The following GRK7 variants were observed in gnomAD, a reference collection of about 807,000 sequenced individuals.
GRK7 encodes G protein-coupled receptor kinase 7, also known as rhodopsin kinase GRK7.
Under a neutral mutation model 34.1 loss-of-function variants are expected in GRK7, and 24 were observed. The observed-to-expected ratio is 0.70, with a 90% CI of 0.51 to 0.99. The LOEUF is 0.99. Among genes scored for constraint, GRK7 ranks in the 50% least tolerant of loss-of-function variants. GRK7 has a pLI of 0.00. For synonymous variants in GRK7, 256 were observed against 279.4 expected, an observed-to-expected ratio of 0.92 and a Z score of 0.84; for missense variants, 644 against 707.3, an observed-to-expected ratio of 0.91 and a Z score of 1.02.
At chr3:141,774,158 CA>C (rs2084628524) in intron 1 of GRK7, among the ~76,000 whole-genome samples, 1 of 152,168 alleles carries the variant, frequency 6.6e-6, no homozygotes, top group Non-Finnish European at 1.5e-5. Flanking sequence ...TCCAGCCGGG[CA>C]TGGTAGCTCA....
At chr3:141,773,575 T>G (rs2084626163) in intron 1 of GRK7, among the ~76,000 whole-genome samples, 2 of 152,096 alleles carry the variant, frequency 1.3e-5, no homozygotes, top group Non-Finnish European at 2.9e-5. Context: ...GCAGTGGCAC[T>G]ATCTCGGCTC....
intron 4 of GRK7, among the ~76,000 whole-genome samples, chr3:141,799,975 T>G (rs1378526783): frequency 6.6e-6 from 1 of 152,200 alleles, no homozygotes; most frequent in Non-Finnish European, 1.5e-5. Context: ...TGAAATGTGC[T>G]CATTGGACGG....
chr3:141,785,494 G>T (rs866502393), intron 4 of GRK7, among the ~76,000 whole-genome samples: 6 of 152,196 alleles, frequency 3.9e-5, no homozygotes, highest in Non-Finnish European at 2.9e-5. Flanking sequence ...GCTGGCCGTG[G>T]TGGCTCACAC....
At chr3:141,769,084 C>T (rs975660194) in intron 1 of GRK7, among the ~76,000 whole-genome samples, 1 of 152,154 alleles carries the variant, frequency 6.6e-6, no homozygotes, top group Non-Finnish European at 1.5e-5. Context: ...TCCCTCCAGA[C>T]CTCTCCTCTG....
At chr3:141,801,310 C>CAAAAAAAAA (rs55657739) in intron 4 of GRK7, among the ~76,000 whole-genome samples, 5 of 70,010 alleles carry the variant, frequency 7.1e-5, no homozygotes, top group Non-Finnish European at 1.3e-4. Context: ...GACTCCGTCT[C>CAAAAAAAAA]AAAAAAAAAA....
intron 4 of GRK7, among the ~76,000 whole-genome samples, 190 bp downstream of exon 4, chr3:141,781,001 G>T (rs1311065080): frequency 1.3e-5 from 2 of 152,180 alleles, no homozygotes; most frequent in Non-Finnish European, 2.9e-5. Flanking sequence ...CTATTTGAGG[G>T]CTACTTTGCT....
chr3:141,784,659 C>T (rs964539567), intron 4 of GRK7, among the ~76,000 whole-genome samples: 6 of 152,304 alleles, frequency 3.9e-5, no homozygotes, highest in Admixed American at 2.0e-4. Context: ...ATCATAGTTA[C>T]AGGGCTTCTG....
chr3:141,815,674 A>G (rs1192746157), intron 5 of GRK7, among the ~76,000 whole-genome samples: 1 of 150,722 alleles, frequency 6.6e-6, no homozygotes, highest in Non-Finnish European at 1.5e-5. Context: ...AGGTTATTAA[A>G]AAAAACTATG....
At chr3:141,762,967 G>A (rs1185247826), upstream of GRK7, among the ~76,000 whole-genome samples, 1 of 152,218 alleles carries the variant, frequency 6.6e-6, no homozygotes, top group Admixed American at 6.5e-5. Context: ...GTGAGGCAAT[G>A]CCTCGCCCTG....
chr3:141,775,272 T>A lies in GRK7; in HGVS notation c.-114+592T>A, dbSNP rs532995024. Among the ~76,000 whole-genome samples the A allele has an allele frequency of 2.0e-5, 3 of 152,112 alleles. No individual in the cohort carries two copies. In the East Asian group the frequency reaches 5.8e-4, roughly 30 times the overall value. On this transcript the variant is annotated intron_variant, in intron 2 of 5. Coordinates refer to ENST00000682958, the MANE Select transcript of GRK7 (RefSeq NM_139209.3). ...AAGATTAGCTGGGCCTGGTGGCAGG[T>A]GCCTGTAGTCTCAGCTACTTGGGAG...
rs1361138842 is a variant in GRK7, at chr3:141,765,622, G to C, written c.-331G>C. On this transcript the variant is annotated 5_prime_UTR_variant, in exon 1 of 6. An upstream start codon of the reference 5' UTR is lost. Coordinates refer to ENST00000682958, the MANE Select transcript of GRK7 (RefSeq NM_139209.3). ...TGGAAAACTGCTCTGAGGCCATCAT[G>C]CTTTGAGGAAGCCCAGGAGGAAACA... is the stretch of plus-strand genomic sequence containing the variant. Among the ~76,000 whole-genome samples, 4 of 152,046 alleles carry C rather than the reference G, an allele frequency of 2.6e-5. No individual in the cohort carries two copies. The highest frequency in any genetic ancestry group is 4.4e-5 in the Non-Finnish European group (3 of 68,014).
intron 4 of GRK7, among the ~76,000 whole-genome samples, chr3:141,803,840 G>A (rs1355679864): frequency 6.6e-6 from 1 of 152,054 alleles, no homozygotes; most frequent in African/African-American, 2.4e-5. Context: ...TCCTGTCTCA[G>A]CCTCCCAAGT....
the GRK7 span, among the ~76,000 whole-genome samples, chr3:141,756,089 A>G: frequency 9.1e-4 from 138 of 152,130 alleles, no homozygotes; most frequent in African/African-American, 3.1e-3. Flanking sequence ...AGGTGAGCAG[A>G]TCACTTGAGG....
At chr3:141,756,518 G>A in the GRK7 span, among the ~76,000 whole-genome samples, 1 of 152,162 alleles carries the variant, frequency 6.6e-6, no homozygotes, top group Non-Finnish European at 1.5e-5. Flanking sequence ...GAGGGGTATT[G>A]ACTGGAAAAG....
intron 4 of GRK7, among the ~76,000 whole-genome samples, chr3:141,801,640 TA>T (rs957243189): frequency 1.1e-4 from 17 of 152,210 alleles, no homozygotes; most frequent in Non-Finnish European, 2.4e-4. Flanking sequence ...ATTAAATAAT[TA>T]TTCTTATTTT....
intron 4 of GRK7, among the ~76,000 whole-genome samples, chr3:141,796,052 T>C (rs557026698): frequency 1.3e-5 from 2 of 152,296 alleles, no homozygotes; most frequent in Non-Finnish European, 2.9e-5. Flanking sequence ...ATTTAGATCA[T>C]GCGCAGCTGA....
Position 141,816,747 on chromosome 3 carries a change from C to A in GRK7, c.1359C>A (p.Phe453Leu). Residue 453 changes from phenylalanine to leucine, a missense_variant, in exon 6 of 6, where the codon TTC becomes TTA. By Grantham distance (22) the Phe-to-Leu change is conservative (BLOSUM62 0). Transcript: ENST00000682958. ...EKSDDPRKHH[F>L]FKTINFPRLE... ...CTGATGATCCCAGGAAACATCATTT[C>A]TTTAAAACGATCAACTTTCCTCGCC... The A allele has an allele frequency of 6.4e-7, 1 of 1,550,886 alleles. No individual in the cohort carries two copies. Among genetic ancestry groups the A allele is most frequent in the African/African-American group, 1.4e-5 (1 of 72,996 alleles).
At chr3:141,762,947 C>T (rs982371502), upstream of GRK7, among the ~76,000 whole-genome samples, 20 of 152,346 alleles carry the variant, frequency 1.3e-4, no homozygotes, top group South Asian at 1.2e-3. Flanking sequence ...TGACCCCTTG[C>T]GCTTCCCAGG....
the GRK7 span, among the ~76,000 whole-genome samples, chr3:141,757,190 G>T: frequency 7.6e-6 from 1 of 130,856 alleles, no homozygotes; most frequent in Non-Finnish European, 1.6e-5. Flanking sequence ...GGGTACATGT[G>T]CACATTGCGC....
Sources: allele counts gnomAD v4.1 joint callset (sites outside exome capture counted in the v4.1 genomes callset), GRCh38; gene constraint gnomAD v4.1.1; transcripts MANE v1.5; gene names NCBI Gene and HGNC (gene_info 2026-07-23, HGNC 2026-07-21).